DGUOK: variants seen among roughly 807,000 people sequenced by gnomAD.
DGUOK encodes deoxyguanosine kinase, also known as deoxyguanosine kinase, mitochondrial.
A neutral mutation model predicts 36.6 loss-of-function variants in DGUOK; 30 were observed. The ratio of observed to expected loss-of-function variants is 0.82; its 90% CI spans 0.61 to 1.11. The LOEUF (loss-of-function observed/expected upper bound fraction) is 1.11, where lower values mean the gene tolerates loss of function less well. Among genes scored for constraint, DGUOK ranks in the 50% most tolerant of loss-of-function variants. The pLI is 0.00. For missense variants in DGUOK, 361 were observed against 336.4 expected (o/e 1.07, Z -0.57); for synonymous variants, 145 against 126.3 (o/e 1.15, Z -0.99).
intron 1 of DGUOK, among the ~76,000 whole-genome samples, chr2:73,934,722 T>C (rs1352497387): frequency 3.1e-4 from 44 of 143,018 alleles, no homozygotes; most frequent in African/African-American, 1.1e-3. Flanking sequence ...CCCACTGCAC[T>C]CCAGCCTGGG....
intron 1 of DGUOK, among the ~76,000 whole-genome samples, chr2:73,936,080 A>G (rs1681440009): frequency 6.6e-6 from 1 of 152,242 alleles, no homozygotes; most frequent in Non-Finnish European, 1.5e-5. Context: ...AGCTACGTTT[A>G]TCTTTTCATT....
At chr2:73,947,374 G>C (rs2248050) in intron 3 of DGUOK, among the ~76,000 whole-genome samples, 95,783 of 151,684 alleles carry the variant, frequency 0.63, 30,739 homozygotes, top group Non-Finnish European at 0.69. Flanking sequence ...TTTTTTTATT[G>C]TTCAAGAAAG....
At chr2:73,927,162 T>C in intron 1 of DGUOK, 110 bp downstream of exon 1, 1 of 1,468,280 alleles carries the variant, frequency 6.8e-7, no homozygotes. Flanking sequence ...CCGGCCTCTT[T>C]TTCTGGGCTG....
At chr2:73,958,337 CT>C in intron 6 of DGUOK, 92 bp downstream of exon 6, 1 of 977,320 alleles carries the variant, frequency 1.0e-6, no homozygotes. Context: ...TATCATGGGT[CT>C]TGTGCTTTGC....
chr2:73,950,611 A>G lies in DGUOK; in HGVS notation c.470A>G (p.Glu157Gly), dbSNP rs1682637878. The part of the protein sequence containing the change: ...DRYIFAKNLF[E>G]NGSLSDIEWH... ...TATATCTTTGCAAAGAATCTTTTTG[A>G]AAATGGTTCCCTCAGTGACATCGAG... The change falls in exon 4 of 7, where the codon GAA becomes GGA. Residue 157 changes from glutamate to glycine, a missense_variant. Coordinates refer to ENST00000264093, the MANE Select transcript of DGUOK (RefSeq NM_080916.3). 6.2e-7 allele frequency: 1 copy of G among 1,613,976 alleles called. No homozygotes were observed. Among genetic ancestry groups the G allele is most frequent in the Non-Finnish European group, 8.5e-7 (1 of 1,180,022 alleles).
intron 1 of DGUOK, 107 bp downstream of exon 1, chr2:73,927,159 C>CT (rs1680661813): frequency 1.3e-6 from 2 of 1,485,870 alleles, no homozygotes; most frequent in African/African-American, 2.8e-5. Context: ...CGGCCGGCCT[C>CT]TTTTTCTGGG....
At chr2:73,941,795 C>T (rs1681920709) in intron 2 of DGUOK, among the ~76,000 whole-genome samples, 1 of 151,992 alleles carries the variant, frequency 6.6e-6, no homozygotes, top group African/African-American at 2.4e-5. Flanking sequence ...ATTGCCTGTC[C>T]AAACCCCTTG....
intron 2 of DGUOK, among the ~76,000 whole-genome samples, chr2:73,939,847 A>C (rs1478946924): frequency 1.3e-5 from 2 of 151,054 alleles, no homozygotes; most frequent in Non-Finnish European, 2.9e-5. Flanking sequence ...CGCCGTAACA[A>C]CCCTATATAT....
At chr2:73,939,135 A>G in intron 2 of DGUOK, 113 bp downstream of exon 2, 1 of 737,204 alleles carries the variant, frequency 1.4e-6, no homozygotes, top group South Asian at 1.5e-5. Context: ...CCTTTTTAAA[A>G]TAGCTTCATT....
Position 73,957,252 on chromosome 2 carries a change from GA to G in DGUOK, c.707+16del. Reference sequence around the variant, plus strand: ...CACAAGACAACGAAGTAAGTGGGGAGAAAAGAATGTATCAGAGACAGAGACC... The same window carrying G: ...CACAAGACAACGAAGTAAGTGGGGAGAAAGAATGTATCAGAGACAGAGACC... On this transcript the variant is annotated intron_variant, in intron 5 of 6. Transcript: ENST00000264093. The G allele has an allele frequency of 6.2e-7, 1 of 1,604,310 alleles. No individual in the cohort carries two copies. The highest frequency in any genetic ancestry group is 8.5e-7 in the Non-Finnish European group (1 of 1,171,606).
In DGUOK at chr2:73,927,062, G is replaced by C; in HGVS notation, c.142+10G>C. On this transcript the variant is annotated intron_variant, in intron 1 of 6. Transcript: ENST00000264093. Reference sequence around the variant, plus strand: ...ATCGAAGGCAACATTGGTAAGGGCCGGAAAGCGGCTGCCAAGCCTTGGCCT... The same window carrying C: ...ATCGAAGGCAACATTGGTAAGGGCCCGAAAGCGGCTGCCAAGCCTTGGCCT... 1 of 1,606,810 alleles carries C rather than the reference G, an allele frequency of 6.2e-7. No homozygotes were observed. Among genetic ancestry groups the C allele is most frequent in the Non-Finnish European group, 8.5e-7 (1 of 1,179,962 alleles).
intron 4 of DGUOK, among the ~76,000 whole-genome samples, chr2:73,956,592 G>A (rs1026081274): frequency 6.6e-6 from 1 of 152,130 alleles, no homozygotes; most frequent in Non-Finnish European, 1.5e-5. Context: ...GGAAATAGAA[G>A]CCCACAAGGA....
chr2:73,946,521 A>G (rs908379070), intron 2 of DGUOK, among the ~76,000 whole-genome samples, 198 bp from the exon 3 acceptor site: 9 of 152,198 alleles, frequency 5.9e-5, no homozygotes, highest in Non-Finnish European at 5.9e-5. Flanking sequence ...TAGGTAGGAA[A>G]ATCTCATACC....
chr2:73,955,268 T>A (rs1219799119), intron 4 of DGUOK, among the ~76,000 whole-genome samples: 1 of 152,228 alleles, frequency 6.6e-6, no homozygotes, highest in Non-Finnish European at 1.5e-5. Context: ...TTTAAAAAAA[T>A]TTATTTTCAC....
chr2:73,931,595 G>A (rs1681042343), intron 1 of DGUOK, among the ~76,000 whole-genome samples: 1 of 152,200 alleles, frequency 6.6e-6, no homozygotes. Context: ...GGCAGTGGGA[G>A]GCTGTTGAAC....
At chr2:73,946,662 C>T (rs543582938) in intron 2 of DGUOK, 57 bp from the exon 3 acceptor site, 202 of 1,501,868 alleles carry the variant, frequency 1.3e-4, no homozygotes, top group Non-Finnish European at 1.8e-4. Context: ...AGGGGTGTAC[C>T]CCATGGAGTA....
Position 73,938,962 on chromosome 2 carries a change from G to A in DGUOK, c.195G>A (p.Trp65Ter), listed in dbSNP as rs140307681. ...TACTCACGAAAACTTACCCAGAATG[G>A]CACGTAGCTACAGAACCTGTAGCAA... Reference protein sequence around the residue: ...VKLLTKTYPEWHVATEPVATW... With the variant: ...VKLLTKTYPE Residue 65 changes from tryptophan to a stop codon, truncating the protein, a stop_gained, in exon 2 of 7, where the codon TGG becomes TGA. Coordinates refer to ENST00000264093, the MANE Select transcript of DGUOK (RefSeq NM_080916.3). LOFTEE classifies it high-confidence loss of function. 1.1e-5 allele frequency: 18 copies of A among 1,613,972 alleles called. No homozygotes were observed. The highest frequency in any genetic ancestry group is 1.4e-5 in the Non-Finnish European group (17 of 1,179,982).
chr2:73,955,190 T>C (rs1423606852), intron 4 of DGUOK, among the ~76,000 whole-genome samples: 1 of 152,354 alleles, frequency 6.6e-6, no homozygotes, highest in East Asian at 1.9e-4. Context: ...GAATGAATAA[T>C]TATAAATAGC....
chr2:73,937,869 G>A (rs575921214), intron 1 of DGUOK, among the ~76,000 whole-genome samples: 3 of 152,100 alleles, frequency 2.0e-5, no homozygotes, highest in Non-Finnish European at 4.4e-5. Flanking sequence ...CCATCACCTC[G>A]GGGCAAGCTG....
Sources: gnomAD v4.1 joint callset for allele counts (sites outside exome capture counted in the v4.1 genomes callset) on GRCh38, gnomAD v4.1.1 for gene constraint, MANE v1.5 for transcripts, NCBI Gene and HGNC (gene_info 2026-07-23, HGNC 2026-07-21) for gene names.